The following DSE variants were observed in gnomAD, a reference collection of about 807,000 sequenced individuals.
DSE encodes dermatan-sulfate epimerase.
DSE carries 36 observed loss-of-function variants against 84.4 expected under a neutral mutation model. The ratio of observed to expected loss-of-function variants is 0.43; its 90% CI spans 0.33 to 0.56. The LOEUF is 0.56. DSE is among the 20% of genes least tolerant of loss of function. The pLI, the probability that DSE is intolerant of heterozygous loss-of-function variation, is 0.06. For missense variants in DSE, 862 were observed against 1,169.6 expected (o/e 0.74, Z 3.84); for synonymous variants, 410 against 430.1 (o/e 0.95, Z 0.58).
chr6:116,431,424 T>C (rs1783835511), intron 4 of DSE, among the ~76,000 whole-genome samples: 1 of 152,212 alleles, frequency 6.6e-6, no homozygotes, highest in African/African-American at 2.4e-5. Context: ...TGGAGGGTTA[T>C]GGATTAAATA....
At chr6:116,303,771 G>T (rs1775177207) in intron 2 of DSE, among the ~76,000 whole-genome samples, 1 of 152,076 alleles carries the variant, frequency 6.6e-6, no homozygotes, top group African/African-American at 2.4e-5. Context: ...GAAGACTTTG[G>T]ATCAGAATGG....
At chr6:116,416,548 G>A (rs982493928) in intron 2 of DSE, among the ~76,000 whole-genome samples, 4 of 151,902 alleles carry the variant, frequency 2.6e-5, no homozygotes, top group African/African-American at 7.3e-5. Context: ...GTATATTTTT[G>A]ATGTTGTGTG....
chr6:116,265,162 C>G (rs1303066095), intron 2 of DSE, among the ~76,000 whole-genome samples: 1 of 152,062 alleles, frequency 6.6e-6, no homozygotes, highest in East Asian at 1.9e-4. Flanking sequence ...AATGCAGCTG[C>G]AGGGGTGGGG....
chr6:116,294,874 C>T (rs1774558689), intron 2 of DSE, among the ~76,000 whole-genome samples: 1 of 152,100 alleles, frequency 6.6e-6, no homozygotes, highest in South Asian at 2.1e-4. Context: ...ATGATATATG[C>T]AGAACACCCC....
intron 2 of DSE, among the ~76,000 whole-genome samples, chr6:116,314,302 T>C (rs1027592580): frequency 6.6e-6 from 1 of 152,220 alleles, no homozygotes; most frequent in African/African-American, 2.4e-5. Context: ...TTACTCAGCC[T>C]CAGACTTAAT....
Position 116,437,054 on chromosome 6 carries a change from T to C in DSE, c.2586T>C (p.Phe862=). 6.2e-7 allele frequency: 1 copy of C among 1,614,080 alleles called. No individual in the cohort carries two copies. The highest frequency in any genetic ancestry group is 8.5e-7 in the Non-Finnish European group (1 of 1,180,000). ...AAGAAATGAAAGACCTTTTAGATTT[T>C]GCAGATGTAACATACGAGAAACATA... ...EDEEMKDLLD[F]ADVTYEKHKN... The change falls in exon 6 of 6, where the codon TTT becomes TTC. Residue 862 remains phenylalanine, a synonymous_variant. Coordinates refer to ENST00000644252, the MANE Select transcript of DSE (RefSeq NM_013352.4).
At chr6:116,347,707 G>C (rs931701388) in intron 2 of DSE, among the ~76,000 whole-genome samples, 4 of 152,118 alleles carry the variant, frequency 2.6e-5, no homozygotes, top group Non-Finnish European at 4.4e-5. Flanking sequence ...GAAAACCTAG[G>C]CAATACCATT....
intron 2 of DSE, among the ~76,000 whole-genome samples, chr6:116,341,894 G>A (rs531579248): frequency 6.6e-6 from 1 of 152,174 alleles, no homozygotes; most frequent in African/African-American, 2.4e-5. Flanking sequence ...GGTTACTGTA[G>A]CCTTGTAATA....
chr6:116,335,766 A>G (rs1277516462), intron 2 of DSE, among the ~76,000 whole-genome samples: 1 of 152,134 alleles, frequency 6.6e-6, no homozygotes, highest in African/African-American at 2.4e-5. Context: ...ATAAGTTACT[A>G]CAAGTCACTT....
intron 2 of DSE, among the ~76,000 whole-genome samples, chr6:116,414,064 G>C (rs1348674637): frequency 6.6e-6 from 1 of 152,192 alleles, no homozygotes; most frequent in African/African-American, 2.4e-5. Context: ...GGCAGCAATG[G>C]CCGGTCAGGT....
At chr6:116,275,217 C>A (rs1562195175) in intron 2 of DSE, among the ~76,000 whole-genome samples, 1 of 152,286 alleles carries the variant, frequency 6.6e-6, no homozygotes, top group East Asian at 1.9e-4. Flanking sequence ...TAGAGTCTAA[C>A]CCCCTTCTAT....
At chr6:116,308,136 A>G (rs887139147) in intron 2 of DSE, among the ~76,000 whole-genome samples, 1 of 152,216 alleles carries the variant, frequency 6.6e-6, no homozygotes, top group Non-Finnish European at 1.5e-5. Context: ...TGTGTTAACT[A>G]TGTCATGGAG....
intron 2 of DSE, among the ~76,000 whole-genome samples, chr6:116,273,214 A>G (rs1772958379): frequency 6.6e-6 from 1 of 152,228 alleles, no homozygotes; most frequent in East Asian, 1.9e-4. Context: ...GGTGTTCACA[A>G]AAATTAGTAA....
chr6:116,424,753 A>G (rs985228189), intron 2 of DSE, among the ~76,000 whole-genome samples: 1 of 152,216 alleles, frequency 6.6e-6, no homozygotes, highest in Non-Finnish European at 1.5e-5. Context: ...GGAATTAAAT[A>G]TTATTTTGGG....
intron 2 of DSE, among the ~76,000 whole-genome samples, chr6:116,293,378 TCTC>T (rs1188163910): frequency 1.3e-5 from 2 of 151,904 alleles, no homozygotes; most frequent in Non-Finnish European, 1.5e-5. Context: ...TTCAAGCTAT[TCTC>T]CTGCCTCAGA....
chr6:116,424,804 A>G (rs935752864), intron 2 of DSE, among the ~76,000 whole-genome samples: 1 of 152,228 alleles, frequency 6.6e-6, no homozygotes, highest in Non-Finnish European at 1.5e-5. Context: ...GGAAGGCCTC[A>G]CCTAGGCCAT....
At chr6:116,278,691 C>T in intron 2 of DSE, 1 of 1,614,096 alleles carries the variant, frequency 6.2e-7, no homozygotes, top group Non-Finnish European at 8.5e-7. Context: ...GGTCTGAAAA[C>T]CAAGTGAAGA....
intron 1 of DSE, among the ~76,000 whole-genome samples, chr6:116,378,083 C>T (rs1780027901): frequency 6.6e-6 from 1 of 151,978 alleles, no homozygotes; most frequent in African/African-American, 2.4e-5. Context: ...AGGGACCTGT[C>T]AGGAAGGAAA....
intron 1 of DSE, chr6:116,375,531 A>G (rs192860089): frequency 5.2e-5 from 51 of 985,192 alleles, no homozygotes; most frequent in Admixed American, 3.1e-4. Flanking sequence ...TATGGTAAAT[A>G]AATGTATCCC....
Sources: allele counts gnomAD v4.1 joint callset (sites outside exome capture counted in the v4.1 genomes callset), GRCh38; gene constraint gnomAD v4.1.1; transcripts MANE v1.5; gene names NCBI Gene and HGNC (gene_info 2026-07-23, HGNC 2026-07-21).